CNTNAP2: variants seen among roughly 807,000 people sequenced by gnomAD.
CNTNAP2 encodes contactin associated protein 2.
A neutral mutation model predicts 155.2 loss-of-function variants in CNTNAP2; 98 were observed. The observed-to-expected ratio is 0.63, with a 90% CI of 0.54 to 0.75. The LOEUF is 0.75. Among genes scored for constraint, CNTNAP2 ranks in the 30% least tolerant of loss-of-function variants. The probability of loss-of-function intolerance (pLI) is 0.00; values close to 1 mark genes in which losing one functional copy is unlikely to be tolerated. For missense variants in CNTNAP2, 1,727 were observed against 1,688.1 expected (o/e 1.02, Z -0.40); for synonymous variants, 651 against 631.2 (o/e 1.03, Z -0.47).
rs184090302 is a variant in CNTNAP2 at position 147,128,152 on chromosome 7, T to C, written c.940-541T>C. On this transcript the variant is annotated intron_variant, in intron 6 of 23. Coordinates refer to ENST00000361727, the MANE Select transcript of CNTNAP2 (RefSeq NM_014141.6). ...TGGTCCCTAATCAATATTGTAATGATATTTTTTGAACTATTTTCTACATCC... is the reference window on the plus strand; with the variant it reads ...TGGTCCCTAATCAATATTGTAATGACATTTTTTGAACTATTTTCTACATCC... 2.2e-3 allele frequency among the ~76,000 whole-genome samples: 334 copies of C among 152,284 alleles called. 3 individuals carry two copies. Among genetic ancestry groups the C allele is most frequent in the Non-Finnish European group, 1.0e-3 (69 of 68,012 alleles).
intron 2 of CNTNAP2, among the ~76,000 whole-genome samples, chr7:146,808,437 A>G (rs1803006734): frequency 1.3e-5 from 2 of 152,186 alleles, no homozygotes; most frequent in Admixed American, 6.5e-5. Flanking sequence ...AAATCCTGCA[A>G]TACCAGGATT....
At chr7:146,943,216 A>G (rs1359739233) in intron 3 of CNTNAP2, among the ~76,000 whole-genome samples, 2 of 152,340 alleles carry the variant, frequency 1.3e-5, no homozygotes, top group African/African-American at 4.8e-5. Context: ...AAGAGAAAGG[A>G]AAATGGTATT....
intron 16 of CNTNAP2, among the ~76,000 whole-genome samples, chr7:148,135,211 G>A (rs953025637): frequency 2.0e-5 from 3 of 151,990 alleles, no homozygotes; most frequent in South Asian, 2.1e-4. Context: ...TTGGCTGGTC[G>A]GATGTTTATC....
intron 21 of CNTNAP2, among the ~76,000 whole-genome samples, chr7:148,351,310 G>C (rs1440513863): frequency 6.6e-6 from 1 of 152,078 alleles, no homozygotes; most frequent in Non-Finnish European, 1.5e-5. Flanking sequence ...TCAAGGACAC[G>C]GCACTTAAGC....
At chr7:147,139,424 G>C (rs1019706835) in intron 8 of CNTNAP2, among the ~76,000 whole-genome samples, 8 of 152,066 alleles carry the variant, frequency 5.3e-5, no homozygotes, top group African/African-American at 1.9e-4. Context: ...GTGTTGGCAT[G>C]AAACAATCAG....
intron 13 of CNTNAP2, among the ~76,000 whole-genome samples, chr7:147,867,914 G>A (rs572969133): frequency 7.2e-5 from 11 of 152,008 alleles, no homozygotes; most frequent in Non-Finnish European, 1.5e-4. Flanking sequence ...TAGCTCAGAA[G>A]TTTGTTATTA....
chr7:148,345,769 A>G (rs925360940), intron 21 of CNTNAP2, among the ~76,000 whole-genome samples: 5 of 151,892 alleles, frequency 3.3e-5, no homozygotes, highest in Non-Finnish European at 7.4e-5. Flanking sequence ...TGGATCTTCA[A>G]TTGTCTTTGT....
At chr7:148,301,540 A>T (rs1413380607) in intron 21 of CNTNAP2, among the ~76,000 whole-genome samples, 1 of 152,076 alleles carries the variant, frequency 6.6e-6, no homozygotes, top group East Asian at 1.9e-4. Flanking sequence ...GGAGAGATGA[A>T]ATGCAGTAAT....
chr7:146,757,985 T>A (rs151007969), intron 1 of CNTNAP2, among the ~76,000 whole-genome samples: 2 of 152,306 alleles, frequency 1.3e-5, no homozygotes, highest in East Asian at 1.9e-4. Flanking sequence ...TCTCTGGGAA[T>A]CTCCTCTCTG....
rs911217388 is a variant in CNTNAP2, at chr7:146,338,538, A to G, written c.97+221565A>G. Among the ~76,000 whole-genome samples the G allele has an allele frequency of 2.6e-5, 4 of 152,076 alleles. No individual in the cohort carries two copies. The South Asian group carries it at 8.3e-4, about 31-fold the overall frequency. ...AGGAGTTTTCTGGTGTGAGGTGAACAGCCTGCTGTTTTCTTTGCCTGGAAT... is the reference window on the plus strand; with the variant it reads ...AGGAGTTTTCTGGTGTGAGGTGAACGGCCTGCTGTTTTCTTTGCCTGGAAT... On this transcript the variant is annotated intron_variant, in intron 1 of 23. Coordinates refer to ENST00000361727, the MANE Select transcript of CNTNAP2 (RefSeq NM_014141.6).
At chr7:148,085,138 A>G (rs1250425920) in intron 15 of CNTNAP2, among the ~76,000 whole-genome samples, 1 of 152,228 alleles carries the variant, frequency 6.6e-6, no homozygotes, top group Non-Finnish European at 1.5e-5. Flanking sequence ...ATCTAAGTAA[A>G]ACCCAGTTAT....
chr7:146,430,645 C>T (rs1275832386), intron 1 of CNTNAP2, among the ~76,000 whole-genome samples: 1 of 152,006 alleles, frequency 6.6e-6, no homozygotes, highest in Non-Finnish European at 1.5e-5. Context: ...GATACTTTTA[C>T]ACCTAAAGCA....
chr7:146,331,008 A>G (rs189355600), intron 1 of CNTNAP2, among the ~76,000 whole-genome samples: 1 of 152,310 alleles, frequency 6.6e-6, no homozygotes, highest in African/African-American at 2.4e-5. Context: ...GTGTTGTTCA[A>G]TAACCAACTA....
chr7:147,057,626 T>C (rs975055427), intron 4 of CNTNAP2, among the ~76,000 whole-genome samples: 3 of 152,164 alleles, frequency 2.0e-5, no homozygotes, highest in African/African-American at 4.8e-5. Context: ...GTGCATCATA[T>C]TTCCCTCAGT....
chr7:147,854,433 C>T (rs1799001795), intron 13 of CNTNAP2, among the ~76,000 whole-genome samples: 2 of 152,154 alleles, frequency 1.3e-5, no homozygotes, highest in Admixed American at 6.6e-5. Flanking sequence ...AAAACAGTAG[C>T]TCAGACTGTG....
chr7:146,858,863 A>G (rs1225862622), intron 3 of CNTNAP2, among the ~76,000 whole-genome samples: 2 of 152,180 alleles, frequency 1.3e-5, no homozygotes, highest in Non-Finnish European at 2.9e-5. Flanking sequence ...GTCCTACATC[A>G]TTTATTTGAA....
chr7:146,701,068 A>G (rs1012473131), intron 1 of CNTNAP2, among the ~76,000 whole-genome samples: 17 of 152,278 alleles, frequency 1.1e-4, no homozygotes, highest in Middle Eastern at 3.4e-3. Flanking sequence ...TAGATCAAAC[A>G]AGGATGATTT....
intron 14 of CNTNAP2, among the ~76,000 whole-genome samples, chr7:147,908,752 T>C (rs1212578014): frequency 6.6e-6 from 1 of 152,178 alleles, no homozygotes; most frequent in African/African-American, 2.4e-5. Context: ...AAAATAAAGG[T>C]TCTATTAAAT....
chr7:148,219,429 C>T (rs202173425), intron 19 of CNTNAP2, among the ~76,000 whole-genome samples: 1 of 152,188 alleles, frequency 6.6e-6, no homozygotes, highest in East Asian at 1.9e-4. Context: ...CACTGTGGCT[C>T]ATGCCTGTAA....
Sources: allele counts gnomAD v4.1 joint callset (sites outside exome capture counted in the v4.1 genomes callset), GRCh38; gene constraint gnomAD v4.1.1; transcripts MANE v1.5; gene names NCBI Gene and HGNC (gene_info 2026-07-23, HGNC 2026-07-21).